SLC12A7: variants seen among roughly 807,000 people sequenced by gnomAD.
The protein encoded by SLC12A7 is solute carrier family 12 member 7, also known as K-Cl cotransporter 4.
In SLC12A7, 100 loss-of-function variants were observed where a neutral mutation model predicts 120.6. The observed-to-expected ratio is 0.83, with a 90% CI of 0.71 to 0.98. The LOEUF (loss-of-function observed/expected upper bound fraction) is 0.98, where lower values mean the gene tolerates loss of function less well. Among genes scored for constraint, SLC12A7 ranks in the 50% least tolerant of loss-of-function variants. The pLI is 0.00. For missense variants in SLC12A7, 1,373 were observed against 1,548.1 expected (o/e 0.89, Z 1.90); for synonymous variants, 760 against 678.0 (o/e 1.12, Z -1.88).
the SLC12A7 span, among the ~76,000 whole-genome samples, chr5:1,128,269 A>G: frequency 5.9e-5 from 9 of 152,318 alleles, 1 homozygote; most frequent in African/African-American, 2.2e-4. Context: ...GTTGCCAGGT[A>G]AACTCCCGCT....
Position 1,073,643 on chromosome 5 carries a change from C to G in SLC12A7, c.2231G>C (p.Arg744Pro), listed in dbSNP as rs148462588. ...TYLDKHMEAQ[R>P]AEENIRSLMS... ...CCCCGCCCGGCCCACCTCCTCGGCC[C>G]GCTGAGCCTCCATGTGCTTGTCCAG... Residue 744 changes from arginine to proline, a missense_variant, in exon 17 of 24, where the codon CGG (arginine) becomes CCG (proline). Physicochemically the swap from Arg to Pro is moderately radical, Grantham distance 103. Transcript: ENST00000264930. The G allele has an allele frequency of 1.2e-6, 2 of 1,603,032 alleles. No individual in the cohort carries two copies. Among genetic ancestry groups the G allele is most frequent in the Non-Finnish European group, 8.5e-7 (1 of 1,175,584 alleles).
At chr5:1,135,698 G>A in the SLC12A7 span, among the ~76,000 whole-genome samples, 1 of 152,214 alleles carries the variant, frequency 6.6e-6, no homozygotes, top group Non-Finnish European at 1.5e-5. Context: ...ACAGTGTGAC[G>A]ATATTCCTGG....
intron 11 of SLC12A7, 80 bp from the exon 12 acceptor site, chr5:1,078,087 C>T (rs971743547): frequency 3.0e-5 from 44 of 1,465,640 alleles, no homozygotes; most frequent in African/African-American, 2.1e-4. Context: ...CCACCCAGAG[C>T]GAGGGGCCCA....
At chr5:1,087,181 G>T in intron 5 of SLC12A7, 148 bp from the exon 6 acceptor site, 1 of 1,093,904 alleles carries the variant, frequency 9.1e-7, no homozygotes, top group Non-Finnish European at 1.3e-6. Context: ...AGCAGCACAT[G>T]GAGACGCTTC....
At chr5:1,054,349 C>T (rs191852907) in intron 22 of SLC12A7, among the ~76,000 whole-genome samples, 16 of 152,378 alleles carry the variant, frequency 1.1e-4, no homozygotes, top group Non-Finnish European at 1.8e-4. Context: ...GGAGGCTCCC[C>T]AACCAAGTAG....
chr5:1,154,534 GACAC>G, the SLC12A7 span, among the ~76,000 whole-genome samples: 1 of 151,754 alleles, frequency 6.6e-6, no homozygotes, highest in Admixed American at 6.6e-5. Flanking sequence ...CACACACATA[GACAC>G]ACACACGGAC....
intron 17 of SLC12A7, among the ~76,000 whole-genome samples, chr5:1,070,007 C>G (rs1184786689): frequency 1.5e-5 from 1 of 66,660 alleles, no homozygotes; most frequent in Admixed American, 1.7e-4. Context: ...CCCAGTGAGC[C>G]CCCAGCACAC....
At chr5:1,137,035 A>T in the SLC12A7 span, among the ~76,000 whole-genome samples, 1 of 151,072 alleles carries the variant, frequency 6.6e-6, no homozygotes, top group South Asian at 2.1e-4. Context: ...ACACGTGCTC[A>T]CACACTCCAA....
intron 21 of SLC12A7, among the ~76,000 whole-genome samples, chr5:1,059,794 C>A (rs999009387): frequency 1.3e-5 from 2 of 151,780 alleles, no homozygotes; most frequent in African/African-American, 4.8e-5. Context: ...CAACTCCCCT[C>A]CAGCTCGCTT....
the SLC12A7 span, among the ~76,000 whole-genome samples, chr5:1,150,458 C>G: frequency 1.3e-5 from 2 of 152,222 alleles, no homozygotes; most frequent in African/African-American, 4.8e-5. Context: ...GACCCCAACT[C>G]ATGCCACAAG....
the SLC12A7 span, among the ~76,000 whole-genome samples, chr5:1,142,104 T>C: frequency 6.7e-6 from 1 of 149,664 alleles, no homozygotes; most frequent in African/African-American, 2.5e-5. Flanking sequence ...TCCCCAGAGC[T>C]GCACTGGGCC....
At chr5:1,132,082 A>T in the SLC12A7 span, among the ~76,000 whole-genome samples, 1 of 152,184 alleles carries the variant, frequency 6.6e-6, no homozygotes, top group African/African-American at 2.4e-5. Flanking sequence ...TTAATAAAAC[A>T]AGTTGTGGTC....
rs1264298103 is a variant in SLC12A7, at chr5:1,094,138, T to C, written c.219+16A>G. The stretch of plus-strand genomic sequence containing the variant: ...CAACGGCCCTGGCACCTTCTTCTTC[T>C]AAAAAGTAAAGTTACCTCGAAAAGT... On this transcript the variant is annotated intron_variant, in intron 2 of 23. Transcript: ENST00000264930. The C allele has an allele frequency of 6.2e-7, 1 of 1,604,674 alleles. No individual in the cohort carries two copies.
chr5:1,057,282 CAG>C (rs934442103), intron 22 of SLC12A7, 187 bp downstream of exon 22: 5 of 594,974 alleles, frequency 8.4e-6, no homozygotes, highest in African/African-American at 7.6e-5. Flanking sequence ...GGGCTGAACT[CAG>C]GGCCCGGCCT....
rs769224092 is a variant in SLC12A7, at chr5:1,075,326, G to A, written c.1967+45C>T. The A allele has an allele frequency of 2.8e-5, 44 of 1,587,418 alleles. 1 individual carries two copies. The East Asian group carries it at 6.1e-4, about 22-fold the overall frequency. On this transcript the variant is annotated intron_variant, in intron 15 of 23. Coordinates refer to ENST00000264930, the MANE Select transcript of SLC12A7 (RefSeq NM_006598.3). ...CCCAGGCATAGCATGAGAGGGGCCC[G>A]CCCTCCCGTGCGCCGGGTCTGTAAG...
At chr5:1,063,685 T>TGG (rs1398004218) in intron 20 of SLC12A7, among the ~76,000 whole-genome samples, 159 bp downstream of exon 20, 5 of 5,608 alleles carry the variant, frequency 8.9e-4, no homozygotes, top group Admixed American at 1.8e-3. Flanking sequence ...CCTCCCGATC[T>TGG]CCACTTCCCC....
rs1194493866 is a variant in SLC12A7, at chr5:1,094,164, G to A, written c.209C>T (p.Ala70Val). ...QESFFEGKNM[A>V]LFEEEMDSNP... ...AAAAAGTAAAGTTACCTCGAAAAGTGCCATGTTCTTCCCTTCAAAGAAGCT... is the reference window on the plus strand; with the variant it reads ...AAAAAGTAAAGTTACCTCGAAAAGTACCATGTTCTTCCCTTCAAAGAAGCT... Residue 70 changes from alanine (A) to valine (V), a missense_variant, in exon 2 of 24, where the codon GCA becomes GTA. Physicochemically the swap from Ala to Val is moderately conservative, Grantham distance 64. Transcript: ENST00000264930. 7 of 1,611,614 alleles carry A rather than the reference G, an allele frequency of 4.3e-6. No homozygotes were observed. The South Asian group carries it at 6.6e-5, about 15-fold the overall frequency.
chr5:1,086,080 T>G (rs1433767043), intron 6 of SLC12A7, among the ~76,000 whole-genome samples: 3 of 152,038 alleles, frequency 2.0e-5, no homozygotes, highest in Non-Finnish European at 4.4e-5. Flanking sequence ...AAGGGGATCC[T>G]GGGAGTGCGG....
At chr5:1,122,764 C>T in the SLC12A7 span, among the ~76,000 whole-genome samples, 2 of 152,390 alleles carry the variant, frequency 1.3e-5, no homozygotes, top group South Asian at 2.1e-4. Context: ...TTCATTTTCT[C>T]GGCTGTCGAG....
Sources: gnomAD v4.1 joint callset for allele counts (sites outside exome capture counted in the v4.1 genomes callset) on GRCh38, gnomAD v4.1.1 for gene constraint, MANE v1.5 for transcripts, NCBI Gene and HGNC (gene_info 2026-07-23, HGNC 2026-07-21) for gene names.